The following AQP10 variants were observed in gnomAD, a reference collection of about 807,000 sequenced individuals.
AQP10 encodes the protein aquaporin 10.
In AQP10, 15 loss-of-function variants were observed where a neutral mutation model predicts 21.0. The ratio of observed to expected loss-of-function variants is 0.71; its 90% CI spans 0.48 to 1.10. The LOEUF is 1.10. Among genes scored for constraint, AQP10 ranks in the 50% least tolerant of loss-of-function variants. The probability of loss-of-function intolerance (pLI) is 0.00; values close to 1 mark genes in which losing one functional copy is unlikely to be tolerated. For synonymous variants in AQP10, 143 were observed against 155.7 expected (o/e 0.92, Z 0.61); for missense variants, 268 against 379.5 (o/e 0.71, Z 2.44).
chr1:154,324,356 A>G lies in AQP10; in HGVS notation c.782A>G (p.Gln261Arg), dbSNP rs1558264964. 1 of 1,610,234 alleles carries G rather than the reference A, an allele frequency of 6.2e-7. No homozygotes were observed. The highest frequency in any genetic ancestry group is 2.2e-5 in the East Asian group (1 of 44,820). ...VGATVGTATY[Q>R]LLVALHHPEG... Reference sequence around the variant, plus strand: ...GCCACCGTTGGCACAGCCACTTACCAGCTGTTGGTGGCTCTGCACCACCCT... The same window carrying G: ...GCCACCGTTGGCACAGCCACTTACCGGCTGTTGGTGGCTCTGCACCACCCT... The change falls in exon 6 of 6, where the codon CAG (glutamine) becomes CGG (arginine). Residue 261 changes from glutamine (Q) to arginine (R), a missense_variant. Physicochemically the swap from Gln to Arg is conservative, Grantham distance 43. Coordinates refer to ENST00000324978, the MANE Select transcript of AQP10 (RefSeq NM_080429.3).
In AQP10 at chr1:154,324,714, G is replaced by C. The variant is rs1210491876; in HGVS notation, c.*234G>C. Reference sequence around the variant, plus strand: ...CCCTCCTCCCGCAAAGCGGTTTTCTGACCCTCAGGGCCTCTCGGAATGTAG... The same window carrying C: ...CCCTCCTCCCGCAAAGCGGTTTTCTCACCCTCAGGGCCTCTCGGAATGTAG... On this transcript the variant is annotated 3_prime_UTR_variant, in exon 6 of 6. Coordinates refer to ENST00000324978, the MANE Select transcript of AQP10 (RefSeq NM_080429.3). The C allele has an allele frequency of 2.2e-6, 1 of 458,658 alleles. No homozygotes were observed. The highest frequency in any genetic ancestry group is 3.9e-6 in the Non-Finnish European group (1 of 257,728). The allele number at this position is 458,658 out of a possible 1,614,324, so 28.4% of individuals were successfully genotyped here. A position where few individuals can be genotyped will look rare whatever the true frequency, so the allele number is the denominator to read the frequency against.
chr1:154,323,948 C>G lies in AQP10; in HGVS notation c.707+142C>G. ...GTTCTTTCTCCAAGTCATATTCTCCCCCTTTCTCCCTTGCTTCCCTCCCAA... is the reference window on the plus strand; with the variant it reads ...GTTCTTTCTCCAAGTCATATTCTCCGCCTTTCTCCCTTGCTTCCCTCCCAA... On this transcript the variant is annotated intron_variant, in intron 5 of 5. Coordinates refer to ENST00000324978, the MANE Select transcript of AQP10 (RefSeq NM_080429.3). This position sits in a 1 kb window ranked among gnomAD's most constrained non-coding sequence, Gnocchi z 4.5. 1.4e-6 allele frequency: 2 copies of G among 1,468,164 alleles called. No homozygotes were observed. Among genetic ancestry groups the G allele is most frequent in the Non-Finnish European group, 1.8e-6 (2 of 1,107,188 alleles). 90.9% of individuals were successfully genotyped at this position (1,468,164 alleles called of 1,614,324 possible).
intron 2 of AQP10, 128 bp downstream of exon 2, chr1:154,322,187 C>T: frequency 2.1e-6 from 3 of 1,411,398 alleles, no homozygotes; most frequent in Non-Finnish European, 9.5e-7. Context: ...GTGTCCCAGA[C>T]TGAAATAAGC....
intron 2 of AQP10, 137 bp from the exon 3 acceptor site, chr1:154,322,845 C>T (rs1685677505): frequency 2.6e-6 from 3 of 1,144,794 alleles, no homozygotes; most frequent in African/African-American, 1.6e-5. Context: ...CATCTGGAGC[C>T]TCAATTTCCT....
At position 154,323,153 on chromosome 1, in the gene AQP10, G is replaced by C; in HGVS notation, c.370+34G>C. ...GGGAACAGAGGGAGCTGTGCCTTGA[G>C]AGCACCTGTGGGTGGGCAGGGGTGC... On this transcript the variant is annotated intron_variant, in intron 3 of 5. Transcript: ENST00000324978. The surrounding 1 kb of genome is among the most constrained non-coding windows in gnomAD (Gnocchi z 4.5). The C allele has an allele frequency of 6.2e-7, 1 of 1,614,116 alleles. No homozygotes were observed. The highest frequency in any genetic ancestry group is 8.5e-7 in the Non-Finnish European group (1 of 1,179,964).
chr1:154,322,481 GTCT>G (rs746975027), intron 2 of AQP10, among the ~76,000 whole-genome samples: 1 of 129,132 alleles, frequency 7.7e-6, no homozygotes, highest in Non-Finnish European at 1.6e-5. Flanking sequence ...GATTCACAGT[GTCT>G]TCTTCTTTTT....
At chr1:154,321,828 T>C (rs1174324605) in intron 1 of AQP10, 105 bp from the exon 2 acceptor site, 48 of 1,490,894 alleles carry the variant, frequency 3.2e-5, no homozygotes, top group African/African-American at 4.2e-5. Flanking sequence ...CCCTTGCTTG[T>C]CTTCTGTGCT....
chr1:154,322,489 C>CTTTTTTTTTTTTTTTTTTT (rs5777905), intron 2 of AQP10, among the ~76,000 whole-genome samples: 1 of 117,858 alleles, frequency 8.5e-6, no homozygotes, highest in Non-Finnish European at 1.7e-5. Context: ...GTGTCTTCTT[C>CTTTTTTTTTTTTTTTTTTT]TTTTTTTTTT....
Position 154,324,582 on chromosome 1 carries a change from G to C in AQP10, c.*102G>C. 2 of 1,251,832 alleles carry C rather than the reference G, an allele frequency of 1.6e-6. No individual in the cohort carries two copies. Among genetic ancestry groups the C allele is most frequent in the Non-Finnish European group, 2.2e-6 (2 of 903,382 alleles). The allele number at this position is 1,251,832 out of a possible 1,614,324, so 77.5% of individuals were successfully genotyped here. The stretch of plus-strand genomic sequence containing the variant: ...TCTTTGTTAATGTGCCAGAACCTGG[G>C]AGGCTTCTCTGTTTATCTGTTTGGC... On this transcript the variant is annotated 3_prime_UTR_variant, in exon 6 of 6. Coordinates refer to ENST00000324978, the MANE Select transcript of AQP10 (RefSeq NM_080429.3).
At chr1:154,324,240 G>T in intron 5 of AQP10, 42 bp from the exon 6 acceptor site, 1 of 1,495,872 alleles carries the variant, frequency 6.7e-7, no homozygotes, top group South Asian at 1.3e-5. Flanking sequence ...GGAAGGCTAA[G>T]GGAGTCACTC....
chr1:154,324,460 A>G lies in AQP10; in HGVS notation c.886A>G (p.Met296Val), dbSNP rs772586313. The change falls in exon 6 of 6, where the codon ATG becomes GTG. Residue 296 changes from methionine (M) to valine (V), a missense_variant. Around this residue, in one of 3 missense-constraint regions of AQP10, gnomAD observed 229 missense variants for 295.1 expected, o/e 0.78. Transcript: ENST00000324978. ...SELETPASAQMLECKL is the reference protein window; with the variant it reads ...SELETPASAQVLECKL The stretch of plus-strand genomic sequence containing the variant: ...GTTGGAAACTCCTGCCTCAGCTCAG[A>G]TGCTGGAGTGTAAGCTATGATTAGG... The G allele has an allele frequency of 2.5e-6, 4 of 1,613,606 alleles. No homozygotes were observed. The highest frequency in any genetic ancestry group is 3.4e-6 in the Non-Finnish European group (4 of 1,179,914).
Position 154,322,110 on chromosome 1 carries a change from T to G in AQP10, c.232+51T>G. On this transcript the variant is annotated intron_variant, in intron 2 of 5. Transcript: ENST00000324978. ...AGAGCACGTGGGATGTGCATGCCAGTTTGTCTGTCTGGTGATGGTGGAAAC... is the reference window on the plus strand; with the variant it reads ...AGAGCACGTGGGATGTGCATGCCAGGTTGTCTGTCTGGTGATGGTGGAAAC... The G allele has an allele frequency of 1.9e-6, 3 of 1,606,912 alleles. No homozygotes were observed. The African/African-American group carries it at 4.0e-5, about 21-fold the overall frequency.
chr1:154,322,481 G>GTCTTCT (rs746975027), intron 2 of AQP10, among the ~76,000 whole-genome samples: 3 of 129,138 alleles, frequency 2.3e-5, no homozygotes, highest in African/African-American at 9.1e-5. Context: ...GATTCACAGT[G>GTCTTCT]TCTTCTTCTT....
rs1158048574 is a variant in AQP10 at position 154,323,303 on chromosome 1, A to G, written c.433A>G (p.Ile145Val). Residue 145 changes from isoleucine (I) to valine (V), a missense_variant, in exon 4 of 6, where the codon ATT becomes GTT. Physicochemically the swap from Ile to Val is conservative, Grantham distance 29. Transcript: ENST00000324978. This position sits in a 1 kb window ranked among gnomAD's most constrained non-coding sequence, Gnocchi z 4.5. The part of the protein sequence containing the change: ...TVTGPKETAS[I>V]FATYPAPYLS... Reference sequence around the variant, plus strand: ...GACTGGCCCCAAGGAGACAGCCTCCATTTTTGCCACCTATCCTGCCCCCTA... The same window carrying G: ...GACTGGCCCCAAGGAGACAGCCTCCGTTTTTGCCACCTATCCTGCCCCCTA... 6.2e-7 allele frequency: 1 copy of G among 1,614,090 alleles called. No individual in the cohort carries two copies. Among genetic ancestry groups the G allele is most frequent in the African/African-American group, 1.3e-5 (1 of 75,010 alleles).
In AQP10 at chr1:154,323,727, G is replaced by A. The variant is rs774589159; in HGVS notation, c.628G>A (p.Gly210Arg). The change falls in exon 5 of 6, where the codon GGG (glycine) becomes AGG (arginine). Residue 210 changes from glycine (G) to arginine (R), a missense_variant. Physicochemically the swap from Gly to Arg is moderately radical, Grantham distance 125. Coordinates refer to ENST00000324978, the MANE Select transcript of AQP10 (RefSeq NM_080429.3). This position sits in a 1 kb window ranked among gnomAD's most constrained non-coding sequence, Gnocchi z 4.5. ...ALGLSMGANC[G>R]IPLNPARDLG... is the part of the protein sequence containing the mutation. ...CGGGTTATCCATGGGTGCCAACTGCGGGATTCCACTCAACCCTGCCCGGGA... is the reference window on the plus strand; with the variant it reads ...CGGGTTATCCATGGGTGCCAACTGCAGGATTCCACTCAACCCTGCCCGGGA... The A allele has an allele frequency of 3.6e-5, 58 of 1,613,998 alleles. No homozygotes were observed. Among genetic ancestry groups the A allele is most frequent in the African/African-American group, 8.0e-5 (6 of 74,894 alleles).
intron 2 of AQP10, among the ~76,000 whole-genome samples, chr1:154,322,397 G>A (rs867630344): frequency 4.6e-5 from 7 of 151,992 alleles, no homozygotes; most frequent in African/African-American, 1.2e-4. Flanking sequence ...ACACTGCATC[G>A]GTGTGCTTGG....
chr1:154,323,363 A>G lies in AQP10; in HGVS notation c.489+4A>G, dbSNP rs1210710904. 6.2e-7 allele frequency: 1 copy of G among 1,611,930 alleles called. No homozygotes were observed. The highest frequency in any genetic ancestry group is 1.7e-5 in the Admixed American group (1 of 60,026). ...GAACAATGGCTTCCTGGATCAGGTA[A>G]GTGTGAGGGGGAGACCTGGGGACAC... On this transcript the variant is annotated splice_donor_region_variant and intron_variant, in intron 4 of 5. Transcript: ENST00000324978. This position sits in a 1 kb window ranked among gnomAD's most constrained non-coding sequence, Gnocchi z 4.5.
At chr1:154,322,507 T>TTTTG in intron 2 of AQP10, among the ~76,000 whole-genome samples, 1 of 148,264 alleles carries the variant, frequency 6.7e-6, no homozygotes, top group Non-Finnish European at 1.5e-5. Flanking sequence ...TTTTTTTTTT[T>TTTTG]CTTTTTTTTT....
intron 5 of AQP10, 54 bp from the exon 6 acceptor site, chr1:154,324,228 G>A: frequency 6.8e-7 from 1 of 1,472,374 alleles, no homozygotes; most frequent in Non-Finnish European, 9.0e-7. Flanking sequence ...TCCTTGGAGA[G>A]GGGAAGGCTA....
Sources: gnomAD v4.1 joint callset for allele counts (sites outside exome capture counted in the v4.1 genomes callset) on GRCh38, gnomAD v4.1.1 for gene constraint, gnomAD v4.1.1 regional missense constraint, Gnocchi (gnomAD v3.1) non-coding constraint, MANE v1.5 for transcripts, NCBI Gene and HGNC (gene_info 2026-07-23, HGNC 2026-07-21) for gene names.